Variants in PDK1 observed in about 807,000 individuals in gnomAD.
PDK1 encodes the protein [Pyruvate dehydrogenase (acetyl-transferring)] kinase isozyme 1, mitochondrial.
A neutral mutation model predicts 54.2 loss-of-function variants in PDK1; 39 were observed. The ratio of observed to expected loss-of-function variants is 0.72; its 90% confidence interval spans 0.56 to 0.94. The LOEUF (loss-of-function observed/expected upper bound fraction) is 0.94, where lower values mean the gene tolerates loss of function less well. Ranked by LOEUF, PDK1 falls within the 40% of genes least tolerant of loss-of-function variation. The pLI, the probability that PDK1 is intolerant of heterozygous loss-of-function variation, is 0.00. For missense variants in PDK1, 552 were observed against 566.0 expected, an observed-to-expected ratio of 0.98 and a Z score of 0.25; for synonymous variants, 221 against 207.1, an observed-to-expected ratio of 1.07 and a Z score of -0.58.
the PDK1 span, among the ~76,000 whole-genome samples, chr2:172,693,636 A>C: frequency 1.3e-5 from 2 of 152,176 alleles, no homozygotes; most frequent in African/African-American, 4.8e-5. Context: ...AGTTGGGCAG[A>C]GGACAAACCT....
the PDK1 span, among the ~76,000 whole-genome samples, chr2:172,670,527 C>T: frequency 6.6e-6 from 1 of 152,032 alleles, no homozygotes; most frequent in South Asian, 2.1e-4. Context: ...ATGTCAATTG[C>T]CTGAAGGTTT....
At chr2:172,695,502 A>G in the PDK1 span, among the ~76,000 whole-genome samples, 1 of 151,904 alleles carries the variant, frequency 6.6e-6, no homozygotes, top group Non-Finnish European at 1.5e-5. Context: ...CAGACTCTAA[A>G]CTCTCCCACA....
chr2:172,616,727 T>TA, the PDK1 span, among the ~76,000 whole-genome samples: 862 of 152,296 alleles, frequency 5.7e-3, 6 homozygotes, highest in African/African-American at 0.02. Context: ...TTTAAATTAT[T>TA]AGGTTAATTT....
the PDK1 span, among the ~76,000 whole-genome samples, chr2:172,668,906 TAGAGAGAGAGAG>T: frequency 3.4e-4 from 44 of 130,638 alleles, no homozygotes; most frequent in East Asian, 1.1e-3. Context: ...TATATATATA[TAGAGAGAGAGAG>T]AGAGAGAGAG....
At chr2:172,656,925 G>C in the PDK1 span, among the ~76,000 whole-genome samples, 5 of 152,172 alleles carry the variant, frequency 3.3e-5, no homozygotes, top group Non-Finnish European at 5.9e-5. Context: ...AGACAAGTGT[G>C]GGGGCTCTCC....
the PDK1 span, among the ~76,000 whole-genome samples, chr2:172,629,450 A>T: frequency 1.3e-5 from 2 of 152,138 alleles, no homozygotes; most frequent in African/African-American, 4.8e-5. Flanking sequence ...CTTCAGAGGG[A>T]TGGTTTGACA....
the PDK1 span, among the ~76,000 whole-genome samples, chr2:172,702,770 G>T: frequency 2.0e-5 from 3 of 152,030 alleles, no homozygotes; most frequent in Non-Finnish European, 2.9e-5. Context: ...AGCTTTACTA[G>T]CTGCTCTCAC....
rs2149302901 is a variant in PDK1 at position 172,595,854 on chromosome 2, G to C, written c.1196G>C (p.Arg399Thr). ...IKALSTDSIE[R>T]LPVYNKAAWK... ...GCTCTGTCAACAGACTCAATAGAAA[G>C]ACTCCCAGTGTATAACAAAGCTGCC... The change falls in exon 11 of 11, where the codon AGA becomes ACA. Residue 399 changes from arginine (R) to threonine (T), a missense_variant. Arg to Thr is a moderately conservative substitution (Grantham distance 71). Transcript: ENST00000282077. 1 of 1,613,826 alleles carries C rather than the reference G, an allele frequency of 6.2e-7. No individual in the cohort carries two copies. Among genetic ancestry groups the C allele is most frequent in the South Asian group, 1.1e-5 (1 of 91,080 alleles).
intron 2 of PDK1, among the ~76,000 whole-genome samples, chr2:172,560,457 C>A (rs981281069): frequency 6.6e-6 from 1 of 152,190 alleles, no homozygotes; most frequent in Non-Finnish European, 1.5e-5. Flanking sequence ...CATGAGCCAC[C>A]GCACCTGGCA....
intron 8 of PDK1, among the ~76,000 whole-genome samples, chr2:172,573,564 TATATAC>T (rs1222747973): frequency 6.6e-6 from 1 of 151,572 alleles, no homozygotes; most frequent in Non-Finnish European, 1.5e-5. Flanking sequence ...TATATACGCA[TATATAC>T]ATATATGTGT....
At chr2:172,714,066 T>C in the PDK1 span, among the ~76,000 whole-genome samples, 9,226 of 152,348 alleles carry the variant, frequency 0.061, 682 homozygotes, top group East Asian at 0.36. Context: ...AACAAAACAC[T>C]GGTACCACTA....
intron 10 of PDK1, among the ~76,000 whole-genome samples, chr2:172,593,547 G>C (rs1014786356): frequency 6.6e-6 from 1 of 152,170 alleles, no homozygotes; most frequent in African/African-American, 2.4e-5. Flanking sequence ...TTGACAGCAA[G>C]TTTTATGTGA....
the PDK1 span, among the ~76,000 whole-genome samples, chr2:172,692,960 T>C: frequency 6.6e-6 from 1 of 152,228 alleles, no homozygotes; most frequent in African/African-American, 2.4e-5. Context: ...TCACAGAATT[T>C]GCAAAAGCAT....
At chr2:172,616,147 A>G in the PDK1 span, among the ~76,000 whole-genome samples, 1 of 152,362 alleles carries the variant, frequency 6.6e-6, no homozygotes, top group East Asian at 1.9e-4. Flanking sequence ...CTCATACATT[A>G]TAATGCATGT....
At chr2:172,667,949 T>C in the PDK1 span, among the ~76,000 whole-genome samples, 1 of 152,244 alleles carries the variant, frequency 6.6e-6, no homozygotes, top group Admixed American at 6.5e-5. Flanking sequence ...AGTAAGATTA[T>C]GCTTTGCCAG....
At chr2:172,690,877 A>G in the PDK1 span, among the ~76,000 whole-genome samples, 1 of 149,866 alleles carries the variant, frequency 6.7e-6, no homozygotes, top group African/African-American at 2.4e-5. Context: ...GGGGAGGGAT[A>G]GGAGAAATCC....
At chr2:172,704,603 C>T in the PDK1 span, among the ~76,000 whole-genome samples, 1 of 152,164 alleles carries the variant, frequency 6.6e-6, no homozygotes, top group Non-Finnish European at 1.5e-5. Context: ...CTTGAGCCCA[C>T]ATCCAAAGCA....
At chr2:172,680,335 C>T in the PDK1 span, among the ~76,000 whole-genome samples, 1 of 151,914 alleles carries the variant, frequency 6.6e-6, no homozygotes, top group Non-Finnish European at 1.5e-5. Context: ...ATTGTACTAT[C>T]CTTTCTTTCT....
chr2:172,714,443 T>C, the PDK1 span, among the ~76,000 whole-genome samples: 1 of 152,250 alleles, frequency 6.6e-6, no homozygotes, highest in Admixed American at 6.5e-5. Flanking sequence ...TGAAAGTTTT[T>C]TTAGAATTAA....
Sources: allele counts gnomAD v4.1 joint callset (sites outside exome capture counted in the v4.1 genomes callset), GRCh38; gene constraint gnomAD v4.1.1; transcripts MANE v1.5; gene names NCBI Gene and HGNC (gene_info 2026-07-23, HGNC 2026-07-21).